The following RIN2 variants were observed in gnomAD, a reference collection of about 807,000 sequenced individuals.
RIN2 encodes the protein RAB5 interacting protein 2.
A neutral mutation model predicts 78.0 loss-of-function variants in RIN2; 36 were observed. That is an observed-to-expected ratio of 0.46 (90% CI 0.35 to 0.61). RIN2 has a LOEUF of 0.61. RIN2 is among the 20% of genes least tolerant of loss of function. RIN2 has a pLI of 0.00. For missense variants in RIN2, 1,087 were observed against 1,159.7 expected, an observed-to-expected ratio of 0.94 and a Z score of 0.91; for synonymous variants, 466 against 466.8, an observed-to-expected ratio of 1.00 and a Z score of 0.02.
chr20:19,850,395 TA>T (rs1170894303), intron 2 of RIN2, among the ~76,000 whole-genome samples: 3 of 152,192 alleles, frequency 2.0e-5, no homozygotes, highest in Non-Finnish European at 4.4e-5. Flanking sequence ...GGAGAAATGT[TA>T]CGTATCCCAT....
At chr20:19,886,746 A>G (rs969879060) in intron 2 of RIN2, 11 of 1,544,090 alleles carry the variant, frequency 7.1e-6, no homozygotes, top group Non-Finnish European at 9.6e-6. Flanking sequence ...CAACCGGTAC[A>G]AGTCTGGAGG....
At position 19,975,301 on chromosome 20, in the gene RIN2, C is replaced by T. The variant is rs1327400226; in HGVS notation, c.1276C>T (p.Arg426Trp). The change falls in exon 9 of 13, where the codon CGG (arginine) becomes TGG (tryptophan). Residue 426 changes from arginine to tryptophan, a missense_variant. By Grantham distance (101) the Arg-to-Trp change is moderately radical. This residue lies in a region of RIN2 where 706 missense variants were observed against 667.5 expected (regional missense o/e 1.06). Coordinates refer to ENST00000255006, the MANE Select transcript of RIN2 (RefSeq NM_018993.4). This position sits in a 1 kb window ranked among gnomAD's most constrained non-coding sequence, Gnocchi z 4.9. The stretch of plus-strand genomic sequence containing the variant: ...ATCACGGCCCCCGTGCCATGGAGGC[C>T]GGCAGCGGCTGAGCGACATGAGCAT... ...SESRPPCHGG[R>W]QRLSDMSIST... The T allele has an allele frequency of 6.2e-7, 1 of 1,604,868 alleles. No homozygotes were observed. Among genetic ancestry groups the T allele is most frequent in the Non-Finnish European group, 8.5e-7 (1 of 1,176,078 alleles).
chr20:19,774,546 G>A (rs974476159), intron 1 of RIN2, among the ~76,000 whole-genome samples: 9 of 152,194 alleles, frequency 5.9e-5, no homozygotes, highest in South Asian at 2.1e-4. Flanking sequence ...GGCATGTAAA[G>A]GAATTGAAAA....
chr20:19,981,150 C>T (rs951792231), intron 9 of RIN2, among the ~76,000 whole-genome samples: 1 of 152,148 alleles, frequency 6.6e-6, no homozygotes, highest in Non-Finnish European at 1.5e-5. Flanking sequence ...AAACCAAAGG[C>T]GTAGCAAGGT....
chr20:19,870,834 G>T (rs1234359474), intron 2 of RIN2, among the ~76,000 whole-genome samples: 1 of 152,130 alleles, frequency 6.6e-6, no homozygotes, highest in Admixed American at 6.5e-5. Flanking sequence ...CTGATGCTGT[G>T]TTCTTCTAGG....
chr20:19,793,015 A>G (rs1320518946), intron 1 of RIN2, among the ~76,000 whole-genome samples: 1 of 151,440 alleles, frequency 6.6e-6, no homozygotes, highest in Non-Finnish European at 1.5e-5. Context: ...GTATGTGTTC[A>G]GAATACAGCA....
At position 19,808,195 on chromosome 20, in the gene RIN2, G is replaced by A. The variant is rs540705567; in HGVS notation, c.-37+8448G>A. Among the ~76,000 whole-genome samples the A allele has an allele frequency of 9.8e-5, 15 of 152,354 alleles. No individual in the cohort carries two copies. In the East Asian group the frequency reaches 1.7e-3, roughly 18 times the overall value. Reference sequence around the variant, plus strand: ...TGAAATCATATGCCTTATGCGTGCCGTTAAGATGCCTGCATGCTTAGTGGC... The same window carrying A: ...TGAAATCATATGCCTTATGCGTGCCATTAAGATGCCTGCATGCTTAGTGGC... On this transcript the variant is annotated intron_variant, in intron 2 of 12. Transcript: ENST00000255006.
intron 2 of RIN2, among the ~76,000 whole-genome samples, chr20:19,865,007 G>C (rs766446526): frequency 2.6e-5 from 4 of 152,142 alleles, no homozygotes; most frequent in Non-Finnish European, 4.4e-5. Flanking sequence ...AAGACTACCT[G>C]AAAAACCTGA....
At chr20:19,808,569 G>A (rs540417682) in intron 2 of RIN2, among the ~76,000 whole-genome samples, 1 of 152,204 alleles carries the variant, frequency 6.6e-6, no homozygotes, top group Non-Finnish European at 1.5e-5. Flanking sequence ...AGCACGAGGT[G>A]CCTCCCCTCC....
chr20:19,775,397 G>T (rs192799106), intron 1 of RIN2, among the ~76,000 whole-genome samples: 181 of 152,294 alleles, frequency 1.2e-3, no homozygotes, highest in African/African-American at 4.0e-3. Context: ...ATTGAAGTCG[G>T]TATTTTGGAT....
chr20:19,896,016 A>G (rs1019888488), intron 3 of RIN2: 6 of 152,198 alleles, frequency 3.9e-5, no homozygotes, highest in Non-Finnish European at 8.8e-5. Context: ...GGCCTCAGGG[A>G]TTCCCAGTAA....
rs115892576 is a variant in RIN2 at position 19,800,736 on chromosome 20, C to A, written c.-37+989C>A. On this transcript the variant is annotated intron_variant, in intron 2 of 12. Coordinates refer to ENST00000255006, the MANE Select transcript of RIN2 (RefSeq NM_018993.4). Reference sequence around the variant, plus strand: ...GCTAAACCATCCCTGCTGATCCCTGCTCCTATAGCAGATTCATGAGCAAAA... The same window carrying A: ...GCTAAACCATCCCTGCTGATCCCTGATCCTATAGCAGATTCATGAGCAAAA... Among the ~76,000 whole-genome samples, 427 of 152,352 alleles carry A rather than the reference C, an allele frequency of 2.8e-3. 1 individual carries two copies. Among genetic ancestry groups the A allele is most frequent in the African/African-American group, 9.9e-3 (412 of 41,578 alleles).
In RIN2 at chr20:19,938,011, C is replaced by T. The variant is rs1258696428; in HGVS notation, c.158+2812C>T. ...CACCTCCCGTCCTGTCTCCTGTCAG[C>T]GTCGTCTGCCATGGTCCATCTGCCC... On this transcript the variant is annotated intron_variant, in intron 4 of 12. Transcript: ENST00000255006. Among the ~76,000 whole-genome samples, 5 of 152,286 alleles carry T rather than the reference C, an allele frequency of 3.3e-5. No individual in the cohort carries two copies. In the East Asian group the frequency reaches 7.7e-4, roughly 24 times the overall value.
intron 2 of RIN2, among the ~76,000 whole-genome samples, chr20:19,880,961 G>A (rs559413707): frequency 1.3e-5 from 2 of 152,136 alleles, no homozygotes; most frequent in Non-Finnish European, 2.9e-5. Context: ...CATTTTACTT[G>A]GTTAAGATGA....
rs559305657 is a variant in RIN2, at chr20:19,934,434, G to A, written c.58-665G>A. The A allele has an allele frequency of 1.1e-5, 11 of 980,614 alleles. No homozygotes were observed. The South Asian group carries it at 4.3e-4, about 38-fold the overall frequency. 60.7% of individuals were successfully genotyped at this position (980,614 alleles called of 1,614,324 possible). On this transcript the variant is annotated intron_variant, in intron 3 of 12. Transcript: ENST00000255006. ...CCTGAAGGGTCAGATGCAGGTGCAT[G>A]GATAGGTGGGGATCTGAGATGGGGC... is the stretch of plus-strand genomic sequence containing the variant.
At chr20:19,993,547 A>C (rs915040050) in intron 11 of RIN2, among the ~76,000 whole-genome samples, 9 of 152,004 alleles carry the variant, frequency 5.9e-5, no homozygotes, top group Admixed American at 2.0e-4. Flanking sequence ...TGGGGGATGA[A>C]TATCTCTCCT....
chr20:19,983,748 T>G (rs1358828457), intron 9 of RIN2, among the ~76,000 whole-genome samples: 3 of 152,182 alleles, frequency 2.0e-5, no homozygotes, highest in African/African-American at 7.2e-5. Flanking sequence ...AGTGATGAAG[T>G]CTGGGCTTCT....
chr20:19,838,380 G>A (rs933407249), intron 2 of RIN2, among the ~76,000 whole-genome samples: 4 of 152,074 alleles, frequency 2.6e-5, no homozygotes, highest in Non-Finnish European at 5.9e-5. Context: ...TATGATCTAC[G>A]TACTATAAGG....
chr20:19,816,657 GTTGCCT>G (rs1375047516), intron 2 of RIN2, among the ~76,000 whole-genome samples: 1 of 152,156 alleles, frequency 6.6e-6, no homozygotes, highest in East Asian at 1.9e-4. Context: ...GTTGCATGTG[GTTGCCT>G]TGCAGTTAGA....
Sources: gnomAD v4.1 joint callset for allele counts (sites outside exome capture counted in the v4.1 genomes callset) on GRCh38, gnomAD v4.1.1 for gene constraint, gnomAD v4.1.1 regional missense constraint, Gnocchi (gnomAD v3.1) non-coding constraint, MANE v1.5 for transcripts, NCBI Gene and HGNC (gene_info 2026-07-23, HGNC 2026-07-21) for gene names.